Variants in RWDD1 observed in about 807,000 individuals in gnomAD.
The protein encoded by RWDD1 is RWD domain-containing protein 1.
In RWDD1, 17 loss-of-function variants were observed where a neutral mutation model predicts 31.6. The observed-to-expected ratio is 0.54, with a 90% CI of 0.37 to 0.81. The LOEUF (loss-of-function observed/expected upper bound fraction) is 0.81. Among genes scored for constraint, RWDD1 ranks in the 30% least tolerant of loss-of-function variants. RWDD1 has a pLI of 0.00. For missense variants in RWDD1, 204 were observed against 274.5 expected, an observed-to-expected ratio of 0.74 and a Z score of 1.82; for synonymous variants, 78 against 94.2, an observed-to-expected ratio of 0.83 and a Z score of 0.99.
chr6:116,577,687 T>G (rs756091340), intron 1 of RWDD1, among the ~76,000 whole-genome samples: 2 of 152,106 alleles, frequency 1.3e-5, no homozygotes, highest in Non-Finnish European at 2.9e-5. Context: ...GTTCAGGACC[T>G]TATTACCTTT....
At position 116,587,757 on chromosome 6, in the gene RWDD1, T is replaced by G. The variant is rs143112688; in HGVS notation, c.271-1085T>G. 4.1e-3 allele frequency among the ~76,000 whole-genome samples: 630 copies of G among 152,060 alleles called. 3 individuals carry two copies. The highest frequency in any genetic ancestry group is 6.8e-3 in the Middle Eastern group (2 of 294). ...ATGTTAGGTTTTAAGATCATAGCTT[T>G]TAAGAAGACCAGTTAGGAGTTTCTT... On this transcript the variant is annotated intron_variant, in intron 3 of 6. Coordinates refer to ENST00000466444, the MANE Select transcript of RWDD1 (RefSeq NM_015952.4).
chr6:116,593,122 A>T lies in RWDD1; in HGVS notation c.*21A>T. ...ACTAATGGACTGTCCCCATCTGCAG[A>T]GAGGCTTGACTGCCACAGCATCTGT... is the stretch of plus-strand genomic sequence containing the variant. On this transcript the variant is annotated 3_prime_UTR_variant, in exon 7 of 7. Coordinates refer to ENST00000466444, the MANE Select transcript of RWDD1 (RefSeq NM_015952.4). 6.2e-7 allele frequency: 1 copy of T among 1,601,592 alleles called. No individual in the cohort carries two copies. The highest frequency in any genetic ancestry group is 1.3e-5 in the African/African-American group (1 of 74,304).
At chr6:116,583,706 TG>T (rs1166145615) in intron 2 of RWDD1, among the ~76,000 whole-genome samples, 2 of 151,410 alleles carry the variant, frequency 1.3e-5, no homozygotes, top group African/African-American at 4.8e-5. Flanking sequence ...AGAAATAAAA[TG>T]GAAAAAAAAA....
chr6:116,576,636 AT>A (rs145320794), intron 1 of RWDD1, among the ~76,000 whole-genome samples: 4,615 of 152,250 alleles, frequency 0.03, 96 homozygotes, highest in Middle Eastern at 0.099. Context: ...AATAGTTACT[AT>A]ATGCATTTTT....
intron 2 of RWDD1, among the ~76,000 whole-genome samples, chr6:116,580,918 T>C (rs927795427): frequency 6.6e-6 from 1 of 152,140 alleles, no homozygotes; most frequent in Non-Finnish European, 1.5e-5. Flanking sequence ...TTTCTACTTT[T>C]AGTCACGTTA....
intron 1 of RWDD1, among the ~76,000 whole-genome samples, chr6:116,573,264 T>C (rs545213341): frequency 4.2e-4 from 64 of 152,316 alleles, no homozygotes; most frequent in Non-Finnish European, 1.6e-4. Context: ...TGAAATAATC[T>C]TGTGGGTATT....
At chr6:116,585,599 A>G (rs1202293179) in intron 3 of RWDD1, among the ~76,000 whole-genome samples, 1 of 152,174 alleles carries the variant, frequency 6.6e-6, no homozygotes, top group Non-Finnish European at 1.5e-5. Context: ...GACAGAAAAC[A>G]TATCTCCACC....
chr6:116,584,115 T>A (rs1774995997), intron 2 of RWDD1, among the ~76,000 whole-genome samples: 1 of 152,244 alleles, frequency 6.6e-6, no homozygotes, highest in African/African-American at 2.4e-5. Flanking sequence ...AGAGGCACCT[T>A]GCACTGACAC....
At chr6:116,575,109 G>A (rs1271806215) in intron 1 of RWDD1, among the ~76,000 whole-genome samples, 1 of 151,852 alleles carries the variant, frequency 6.6e-6, no homozygotes, top group Non-Finnish European at 1.5e-5. Flanking sequence ...TTTTTTGAGA[G>A]AGAGTCTCCC....
rs201461238 is a variant in RWDD1, at chr6:116,584,755, C to T, written c.168C>T (p.Tyr56=). The T allele has an allele frequency of 2.2e-4, 356 of 1,610,132 alleles. 1 individual carries two copies. Among genetic ancestry groups the T allele is most frequent in the Non-Finnish European group, 2.9e-4 (340 of 1,176,638 alleles). The change falls in exon 3 of 7, where the codon TAC becomes TAT. Residue 56 remains tyrosine (Y), a synonymous_variant. Coordinates refer to ENST00000466444, the MANE Select transcript of RWDD1 (RefSeq NM_015952.4). The part of the protein sequence containing the change: ...ETVQTTLKFT[Y]SEKYPDEAPL... ...TCCAGACTACCCTCAAGTTTACATA[C>T]AGTGAAAAATACCCAGATGAAGCTC... is the stretch of plus-strand genomic sequence containing the variant.
rs1215121955 is a variant in RWDD1, at chr6:116,584,797, C to T, written c.210C>T (p.Phe70=). 2 of 1,601,110 alleles carry T rather than the reference C, an allele frequency of 1.2e-6. No individual in the cohort carries two copies. The highest frequency in any genetic ancestry group is 1.3e-5 in the African/African-American group (1 of 74,550). The change falls in exon 3 of 7, where the codon TTC becomes TTT. Residue 70 remains phenylalanine (F), a synonymous_variant. Transcript: ENST00000466444. ...ATGAAGCTCCCCTTTATGAAATATT[C>T]TCCCAGGAAAATCTAGAAGATAATG... ...YPDEAPLYEI[F]SQENLEDNDV...
Position 116,593,311 on chromosome 6 carries a change from G to A in RWDD1, c.*210G>A, listed in dbSNP as rs1014654315. On this transcript the variant is annotated 3_prime_UTR_variant, in exon 7 of 7. Transcript: ENST00000466444. ...TTCTTACTGTTGAGCACAAGGTTACGTATTTAAAATCACCTAGTATTTGAG... is the reference window on the plus strand; with the variant it reads ...TTCTTACTGTTGAGCACAAGGTTACATATTTAAAATCACCTAGTATTTGAG... 32 of 410,570 alleles carry A rather than the reference G, an allele frequency of 7.8e-5. No homozygotes were observed. The highest frequency in any genetic ancestry group is 6.0e-4 in the African/African-American group (29 of 48,432). 25.4% of individuals were successfully genotyped at this position (410,570 alleles called of 1,614,324 possible). A position where few individuals can be genotyped will look rare whatever the true frequency, so the allele number is the denominator to read the frequency against.
intron 6 of RWDD1, 149 bp from the exon 7 acceptor site, chr6:116,592,831 C>G: frequency 1.4e-6 from 1 of 738,276 alleles, no homozygotes; most frequent in Non-Finnish European, 2.1e-6. Context: ...ATGCAAATCA[C>G]TGTTGATAAC....
intron 4 of RWDD1, among the ~76,000 whole-genome samples, chr6:116,589,197 G>C (rs1775095490): frequency 6.6e-6 from 1 of 152,058 alleles, no homozygotes; most frequent in Non-Finnish European, 1.5e-5. Context: ...TAAAAAGTTA[G>C]TAAAACTCAT....
Position 116,590,869 on chromosome 6 carries a change from A to G in RWDD1, c.548-19A>G. 1 of 1,502,766 alleles carries G rather than the reference A, an allele frequency of 6.7e-7. No homozygotes were observed. Among genetic ancestry groups the G allele is most frequent in the Non-Finnish European group, 8.9e-7 (1 of 1,117,464 alleles). The allele number at this position is 1,502,766 out of a possible 1,614,324, so 93.1% of individuals were successfully genotyped here. A position where few individuals can be genotyped will look rare whatever the true frequency, so the allele number is the denominator to read the frequency against. The stretch of plus-strand genomic sequence containing the variant: ...AAACTATGCCATTTGAATTAAACAT[A>G]CTTTTTTTTTTTTTTTAGGGAAACA... On this transcript the variant is annotated intron_variant, in intron 5 of 6. Coordinates refer to ENST00000466444, the MANE Select transcript of RWDD1 (RefSeq NM_015952.4).
chr6:116,586,820 A>G (rs1775048805), intron 3 of RWDD1, among the ~76,000 whole-genome samples: 1 of 152,150 alleles, frequency 6.6e-6, no homozygotes, highest in African/African-American at 2.4e-5. Flanking sequence ...TTTCATACAT[A>G]TTGCTAATTT....
At chr6:116,592,090 T>C (rs187021309) in intron 6 of RWDD1, among the ~76,000 whole-genome samples, 1 of 152,340 alleles carries the variant, frequency 6.6e-6, no homozygotes, top group Admixed American at 6.5e-5. Context: ...AAAACCCATA[T>C]TTAATCATAC....
chr6:116,589,366 C>CA lies in RWDD1; in HGVS notation c.414+388dup, dbSNP rs539505581. ...CTGATGAGCTAAAAAAAATTTGCAG[C>CA]AAAAAAACATGTTTTAAGACAGTTT... On this transcript the variant is annotated intron_variant, in intron 4 of 6. Coordinates refer to ENST00000466444, the MANE Select transcript of RWDD1 (RefSeq NM_015952.4). Among the ~76,000 whole-genome samples the CA allele has an allele frequency of 1.4e-3, 217 of 152,044 alleles. 2 individuals are homozygous for CA. Among genetic ancestry groups the CA allele is most frequent in the African/African-American group, 5.1e-3 (210 of 41,476 alleles).
chr6:116,574,678 CT>C (rs1774804506), intron 1 of RWDD1, among the ~76,000 whole-genome samples: 2 of 149,866 alleles, frequency 1.3e-5, no homozygotes, highest in Admixed American at 1.4e-4. Context: ...CTCTCTCTCT[CT>C]CTTCCTTCCT....
Sources: gnomAD v4.1 joint callset for allele counts (sites outside exome capture counted in the v4.1 genomes callset) on GRCh38, gnomAD v4.1.1 for gene constraint, MANE v1.5 for transcripts, NCBI Gene and HGNC (gene_info 2026-07-23, HGNC 2026-07-21) for gene names.